COL5A2: variants seen among roughly 807,000 people sequenced by gnomAD.
The protein encoded by COL5A2 is collagen alpha-2(V) chain.
Under a neutral mutation model 208.2 loss-of-function variants are expected in COL5A2, and 23 were observed. That is an observed-to-expected ratio of 0.11 (90% CI 0.08 to 0.16). The LOEUF (loss-of-function observed/expected upper bound fraction) is 0.16, where lower values mean the gene tolerates loss of function less well. Among genes scored for constraint, COL5A2 ranks in the 10% least tolerant of loss-of-function variants. COL5A2 has a pLI of 1.00. For missense variants in COL5A2, 1,590 were observed against 1,956.4 expected, an observed-to-expected ratio of 0.81 and a Z score of 3.53; for synonymous variants, 625 against 628.5, an observed-to-expected ratio of 0.99 and a Z score of 0.08.
chr2:189,090,079 C>T (rs1039167809), intron 7 of COL5A2, among the ~76,000 whole-genome samples: 1 of 152,156 alleles, frequency 6.6e-6, no homozygotes, highest in African/African-American at 2.4e-5. Flanking sequence ...AAAGCTAGAC[C>T]TCTTGCAGCA....
intron 1 of COL5A2, among the ~76,000 whole-genome samples, chr2:189,208,043 C>T (rs1689163269): frequency 2.0e-5 from 3 of 152,160 alleles, no homozygotes; most frequent in Admixed American, 6.6e-5. Context: ...AAATGTATTT[C>T]TCCAGTTAGC....
chr2:189,354,589 A>G, the COL5A2 span, among the ~76,000 whole-genome samples: 1 of 152,182 alleles, frequency 6.6e-6, no homozygotes, highest in Non-Finnish European at 1.5e-5. Flanking sequence ...ATATTCTCTG[A>G]CGGTAGTTTG....
chr2:189,396,149 A>G, the COL5A2 span, among the ~76,000 whole-genome samples: 5 of 152,090 alleles, frequency 3.3e-5, no homozygotes, highest in Admixed American at 1.3e-4. Context: ...AAATTTATAG[A>G]TATTTTTCTC....
chr2:189,096,814 T>C (rs1485475108), intron 6 of COL5A2, among the ~76,000 whole-genome samples: 1 of 152,190 alleles, frequency 6.6e-6, no homozygotes, highest in Non-Finnish European at 1.5e-5. Flanking sequence ...GATTGCTGAT[T>C]TTTAAAACTA....
chr2:189,374,994 T>C, the COL5A2 span, among the ~76,000 whole-genome samples: 2 of 151,926 alleles, frequency 1.3e-5, no homozygotes, highest in African/African-American at 4.8e-5. Context: ...AACAAAATGT[T>C]AAATCGAATA....
At chr2:189,286,563 C>G in the COL5A2 span, among the ~76,000 whole-genome samples, 1 of 151,990 alleles carries the variant, frequency 6.6e-6, no homozygotes, top group African/African-American at 2.4e-5. Context: ...GACTTGAGTA[C>G]AGACAGAAAA....
chr2:189,092,508 G>C (rs1258886684), intron 6 of COL5A2, 88 bp from the exon 7 acceptor site: 4 of 806,618 alleles, frequency 5.0e-6, no homozygotes, highest in East Asian at 5.3e-5. Flanking sequence ...AATGGCAAGG[G>C]AGTGTTTATT....
chr2:189,325,138 A>AG, the COL5A2 span, among the ~76,000 whole-genome samples: 1 of 149,966 alleles, frequency 6.7e-6, no homozygotes, highest in Non-Finnish European at 1.5e-5. Flanking sequence ...GGACACGGGA[A>AG]GGGGAACATC....
At chr2:189,344,759 G>C in the COL5A2 span, among the ~76,000 whole-genome samples, 12 of 152,154 alleles carry the variant, frequency 7.9e-5, no homozygotes, top group Non-Finnish European at 1.5e-4. Flanking sequence ...ACTCTTCCTA[G>C]GCAATCAGGA....
chr2:189,399,595 G>A, the COL5A2 span, among the ~76,000 whole-genome samples: 8 of 152,056 alleles, frequency 5.3e-5, no homozygotes, highest in Admixed American at 5.2e-4. Context: ...GAATTTTGTG[G>A]CTGATTTATA....
At chr2:189,113,554 T>C (rs560327091) in intron 1 of COL5A2, among the ~76,000 whole-genome samples, 1 of 149,660 alleles carries the variant, frequency 6.7e-6, no homozygotes, top group Non-Finnish European at 1.5e-5. Context: ...ATGTTTTATA[T>C]ATATAACATT....
chr2:189,426,787 T>C, the COL5A2 span, among the ~76,000 whole-genome samples: 1 of 152,358 alleles, frequency 6.6e-6, no homozygotes, highest in Admixed American at 6.5e-5. Flanking sequence ...ATTTAGTGTA[T>C]CTGGCAGAAG....
chr2:189,061,135 T>C (rs779287793), intron 30 of COL5A2, among the ~76,000 whole-genome samples: 1 of 152,102 alleles, frequency 6.6e-6, no homozygotes, highest in Non-Finnish European at 1.5e-5. Context: ...AAAGTTTTTT[T>C]TACAAATTAT....
At position 189,081,170 on chromosome 2, in the gene COL5A2, A is replaced by G. The variant is rs1686526387; in HGVS notation, c.853-127T>C. The G allele has an allele frequency of 2.4e-5, 18 of 734,896 alleles. 1 individual carries two copies. The South Asian group carries it at 2.7e-4, about 11-fold the overall frequency. The allele number at this position is 734,896 out of a possible 1,614,324, so 45.5% of individuals were successfully genotyped here. ...CCAGCAACATATTAAGAAGAACAAA[A>G]AAAAGCAGTATACTTTTATCTGTCA... On this transcript the variant is annotated intron_variant, in intron 12 of 53. Coordinates refer to ENST00000374866, the MANE Select transcript of COL5A2 (RefSeq NM_000393.5).
intron 45 of COL5A2, among the ~76,000 whole-genome samples, chr2:189,046,113 G>A (rs1370512360): frequency 6.6e-6 from 1 of 151,888 alleles, no homozygotes; most frequent in Admixed American, 6.6e-5. Context: ...CTAATTTCAA[G>A]TCTCATCCTT....
intron 1 of COL5A2, among the ~76,000 whole-genome samples, chr2:189,204,749 G>A (rs938138427): frequency 6.6e-6 from 1 of 152,182 alleles, no homozygotes; most frequent in Non-Finnish European, 1.5e-5. Flanking sequence ...CTGGAGGATT[G>A]TAGTGGGAAG....
At chr2:189,237,253 C>T in the COL5A2 span, among the ~76,000 whole-genome samples, 1 of 151,566 alleles carries the variant, frequency 6.6e-6, no homozygotes, top group African/African-American at 2.4e-5. Context: ...ACCATATATG[C>T]TTTATTTGTT....
chr2:189,045,499 G>A (rs1214956560), intron 46 of COL5A2, among the ~76,000 whole-genome samples: 1 of 152,156 alleles, frequency 6.6e-6, no homozygotes, highest in South Asian at 2.1e-4. Context: ...CACCTTAGTT[G>A]AATACAGTAA....
chr2:189,283,735 G>T, the COL5A2 span, among the ~76,000 whole-genome samples: 51 of 152,098 alleles, frequency 3.4e-4, no homozygotes, highest in Non-Finnish European at 6.8e-4. Context: ...GTCAATAAAA[G>T]ACATTAAATA....
Sources: allele counts gnomAD v4.1 joint callset (sites outside exome capture counted in the v4.1 genomes callset), GRCh38; gene constraint gnomAD v4.1.1; transcripts MANE v1.5; gene names NCBI Gene and HGNC (gene_info 2026-07-23, HGNC 2026-07-21).